Variants in FHIP2A observed in about 807,000 individuals in gnomAD.
The protein encoded by FHIP2A is family with sequence similarity 160 member B1.
Under a neutral mutation model 93.5 loss-of-function variants are expected in FHIP2A, and 46 were observed. The ratio of observed to expected loss-of-function variants is 0.49; its 90% CI spans 0.39 to 0.63. The LOEUF (loss-of-function observed/expected upper bound fraction) is 0.63, where lower values mean the gene tolerates loss of function less well. Ranked by LOEUF, FHIP2A falls within the 20% of genes least tolerant of loss-of-function variation. FHIP2A has a pLI of 0.00. For missense variants in FHIP2A, 769 were observed against 909.7 expected (o/e 0.85, Z 1.99); for synonymous variants, 332 against 326.5 (o/e 1.02, Z -0.18).
intron 5 of FHIP2A, among the ~76,000 whole-genome samples, chr10:114,839,220 C>T (rs2083653833): frequency 6.6e-6 from 1 of 152,086 alleles, no homozygotes; most frequent in African/African-American, 2.4e-5. Flanking sequence ...CTCTGCCTCC[C>T]AGTTCAAACG....
rs2083801138 is a variant in FHIP2A, at chr10:114,861,731, G to T, written c.*191G>T. The T allele has an allele frequency of 2.9e-6, 4 of 1,360,254 alleles. No homozygotes were observed. Among genetic ancestry groups the T allele is most frequent in the Non-Finnish European group, 3.8e-6 (4 of 1,056,826 alleles). The allele number at this position is 1,360,254 out of a possible 1,614,324, so 84.3% of individuals were successfully genotyped here. A position where few individuals can be genotyped will look rare whatever the true frequency, so the allele number is the denominator to read the frequency against. ...ATGTTGTATAATGTTGTTTTCATTG[G>T]CTTTATCATAATGGTTCTATATATA... On this transcript the variant is annotated 3_prime_UTR_variant, in exon 17 of 17. Transcript: ENST00000369248.
rs1031350365 is a variant in FHIP2A at position 114,822,073 on chromosome 10, G to A, written c.-6G>A. ...CCGGGAGAGGCTGCTGCAGTCCCGG[G>A]ACAGGATGTTCTCCAAGTTCACCTC... On this transcript the variant is annotated 5_prime_UTR_variant, in exon 1 of 17. Coordinates refer to ENST00000369248, the MANE Select transcript of FHIP2A (RefSeq NM_020940.4). 4.3e-5 allele frequency: 57 copies of A among 1,334,826 alleles called. No homozygotes were observed. The highest frequency in any genetic ancestry group is 5.4e-5 in the Non-Finnish European group (55 of 1,020,086). The allele number at this position is 1,334,826 out of a possible 1,614,324, so 82.7% of individuals were successfully genotyped here.
At chr10:114,861,143 G>A in intron 15 of FHIP2A, 88 bp from the exon 16 acceptor site, 3 of 1,531,346 alleles carry the variant, frequency 2.0e-6, no homozygotes, top group Non-Finnish European at 2.6e-6. Context: ...TTATTAAATA[G>A]TAGGGAAGGA....
chr10:114,850,348 A>T (rs1018873090), intron 13 of FHIP2A, among the ~76,000 whole-genome samples: 1 of 152,118 alleles, frequency 6.6e-6, no homozygotes, highest in Non-Finnish European at 1.5e-5. Flanking sequence ...ACATTTCCTT[A>T]TGACTAATGA....
In FHIP2A at chr10:114,862,793, A is replaced by G. The variant is rs1437459560; in HGVS notation, c.*1253A>G. On this transcript the variant is annotated 3_prime_UTR_variant, in exon 17 of 17. Transcript: ENST00000369248. Reference sequence around the variant, plus strand: ...ATTGTTTGTTTTTATTTGACATGTTAAGCCGCAGCACTTTCTTCTTCATCT... The same window carrying G: ...ATTGTTTGTTTTTATTTGACATGTTGAGCCGCAGCACTTTCTTCTTCATCT... 2.0e-6 allele frequency: 2 copies of G among 985,306 alleles called. No individual in the cohort carries two copies. The highest frequency in any genetic ancestry group is 2.4e-6 in the Non-Finnish European group (2 of 829,928). The allele number at this position is 985,306 out of a possible 1,614,324, so 61.0% of individuals were successfully genotyped here.
At position 114,830,924 on chromosome 10, in the gene FHIP2A, A is replaced by G; in HGVS notation, c.118A>G (p.Thr40Ala). The G allele has an allele frequency of 6.3e-7, 1 of 1,584,204 alleles. No individual in the cohort carries two copies. Among genetic ancestry groups the G allele is most frequent in the Non-Finnish European group, 8.6e-7 (1 of 1,162,306 alleles). The change falls in exon 2 of 17, where the codon ACT becomes GCT. Residue 40 changes from threonine (T) to alanine (A), a missense_variant. Coordinates refer to ENST00000369248, the MANE Select transcript of FHIP2A (RefSeq NM_020940.4). ...WKAITHYYIE[T>A]SDDKAPVTDT... ...GGCAATTACCCATTACTACATAGAG[A>G]CTTCAGGTAAGGAACAATGCTGATA...
downstream of FHIP2A, among the ~76,000 whole-genome samples, chr10:114,867,417 CTA>C (rs1305762836): frequency 6.6e-5 from 10 of 152,040 alleles, no homozygotes; most frequent in Non-Finnish European, 1.2e-4. Context: ...CTTTCTAAGA[CTA>C]TTGTATAGTG....
chr10:114,838,980 TCCTG>T (rs1323789373), intron 5 of FHIP2A, among the ~76,000 whole-genome samples: 6 of 152,226 alleles, frequency 3.9e-5, no homozygotes, highest in African/African-American at 1.2e-4. Context: ...TTTTATTTTC[TCCTG>T]CTAGTCAGTA....
intron 16 of FHIP2A, among the ~76,000 whole-genome samples, chr10:114,882,150 T>C (rs1033721152): frequency 2.2e-4 from 33 of 152,234 alleles, no homozygotes; most frequent in African/African-American, 6.3e-4. Flanking sequence ...ATGGGCTTTT[T>C]CGGGAGCAGC....
intron 16 of FHIP2A, among the ~76,000 whole-genome samples, chr10:114,881,789 G>A (rs1266600218): frequency 6.6e-6 from 1 of 152,204 alleles, no homozygotes; most frequent in Admixed American, 6.5e-5. Context: ...GGCCATCTCA[G>A]AGCTCTGCTA....
chr10:114,841,916 C>T (rs765173), intron 5 of FHIP2A, among the ~76,000 whole-genome samples: 81,151 of 151,964 alleles, frequency 0.53, 22,087 homozygotes, highest in African/African-American at 0.64. Context: ...TTGAAGCTAA[C>T]AATTTGCTAA....
chr10:114,887,685 G>A (rs148018224), intron 16 of FHIP2A, among the ~76,000 whole-genome samples: 5 of 152,208 alleles, frequency 3.3e-5, no homozygotes, highest in African/African-American at 7.2e-5. Context: ...GAGAATTAAC[G>A]ATGTGTACTG....
chr10:114,833,570 A>G (rs2083620740), intron 3 of FHIP2A, 168 bp downstream of exon 3: 6 of 590,068 alleles, frequency 1.0e-5, no homozygotes, highest in East Asian at 3.0e-5. Flanking sequence ...AAATATGTCC[A>G]TAGAGATAGA....
In FHIP2A at chr10:114,846,630, G is replaced by A; in HGVS notation, c.1470G>A (p.Leu490=). The change falls in exon 11 of 17, where the codon TTG becomes TTA. Residue 490 remains leucine, a synonymous_variant. Coordinates refer to ENST00000369248, the MANE Select transcript of FHIP2A (RefSeq NM_020940.4). The part of the protein sequence containing the change: ...QKPNEHILYN[L]VLRNLEERNY... ...CCAATGAGCACATTCTTTACAACTT[G>A]GTCTTGAGAAATCTTGAAGAAAGAA... 1 of 1,611,996 alleles carries A rather than the reference G, an allele frequency of 6.2e-7. No individual in the cohort carries two copies. The highest frequency in any genetic ancestry group is 1.1e-5 in the South Asian group (1 of 90,544).
chr10:114,898,820 A>C (rs1487219945), intron 16 of FHIP2A, among the ~76,000 whole-genome samples: 5 of 152,316 alleles, frequency 3.3e-5, no homozygotes, highest in Non-Finnish European at 1.5e-5. Context: ...GAAATTTTTT[A>C]AGAATTTGGT....
intron 16 of FHIP2A, among the ~76,000 whole-genome samples, chr10:114,890,554 C>A (rs553530962): frequency 6.8e-6 from 1 of 146,066 alleles, no homozygotes; most frequent in Non-Finnish European, 1.5e-5. Flanking sequence ...ATTAAATATA[C>A]GCTATATATG....
rs539671977 is a variant in FHIP2A at position 114,843,163 on chromosome 10, G to A, written c.753G>A (p.Ser251=). 17 of 1,613,906 alleles carry A rather than the reference G, an allele frequency of 1.1e-5. No individual in the cohort carries two copies. Among genetic ancestry groups the A allele is most frequent in the African/African-American group, 2.7e-5 (2 of 74,980 alleles). Residue 251 remains serine, a synonymous_variant, in exon 6 of 17, where the codon TCG becomes TCA. Transcript: ENST00000369248. ...GTGTCACCTCACTGCCAGAGGCCTC[G>A]GTTGTTTGTCCAAATCAGGATTACA... ...NLSVTSLPEA[S]VVCPNQDYNL... is the part of the protein sequence containing the mutation.
Position 114,861,449 on chromosome 10 carries a change from C to T in FHIP2A, c.2207C>T (p.Thr736Ile). The change falls in exon 17 of 17, where the codon ACA (threonine) becomes ATA (isoleucine). Residue 736 changes from threonine (T) to isoleucine (I), a missense_variant. Physicochemically the swap from Thr to Ile is moderately conservative, Grantham distance 89 (BLOSUM62 -1). Coordinates refer to ENST00000369248, the MANE Select transcript of FHIP2A (RefSeq NM_020940.4). ...EPEGPIIDHI[T>I]LLEGVIVLEE... is the part of the protein sequence containing the mutation. ...TTCCTTACCAGTATTGACCACATCACACTGCTAGAGGGTGTGATTGTGTTA... is the reference window on the plus strand; with the variant it reads ...TTCCTTACCAGTATTGACCACATCATACTGCTAGAGGGTGTGATTGTGTTA... 1 of 1,614,070 alleles carries T rather than the reference C, an allele frequency of 6.2e-7. No individual in the cohort carries two copies. The highest frequency in any genetic ancestry group is 8.5e-7 in the Non-Finnish European group (1 of 1,179,988).
downstream of FHIP2A, among the ~76,000 whole-genome samples, chr10:114,866,319 G>A (rs910375646): frequency 1.3e-5 from 2 of 152,126 alleles, no homozygotes; most frequent in African/African-American, 4.8e-5. Context: ...TGACTGCATA[G>A]TATTCCACGG....
Sources: gnomAD v4.1 joint callset for allele counts (sites outside exome capture counted in the v4.1 genomes callset) on GRCh38, gnomAD v4.1.1 for gene constraint, MANE v1.5 for transcripts, NCBI Gene and HGNC (gene_info 2026-07-23, HGNC 2026-07-21) for gene names.